ZFP90: variants seen among roughly 807,000 people sequenced by gnomAD.
The protein encoded by ZFP90 is zinc finger protein 90 homolog.
ZFP90 carries 38 observed loss-of-function variants against 60.8 expected under a neutral mutation model. That is an observed-to-expected ratio of 0.62 (90% CI 0.48 to 0.82). The LOEUF (loss-of-function observed/expected upper bound fraction) is 0.82. ZFP90 is among the 40% of genes least tolerant of loss of function. The pLI, the probability that ZFP90 is intolerant of heterozygous loss-of-function variation, is 0.00. For missense variants in ZFP90, 711 were observed against 759.1 expected (o/e 0.94, Z 0.74); for synonymous variants, 287 against 264.8 (o/e 1.08, Z -0.82).
intron 4 of ZFP90, chr16:68,562,116 AG>A (rs2091448712): frequency 6.6e-6 from 1 of 152,188 alleles, no homozygotes; most frequent in Admixed American, 6.5e-5. Flanking sequence ...CTACACTTTT[AG>A]TATGTATGTC....
upstream of ZFP90, among the ~76,000 whole-genome samples, chr16:68,536,364 G>A (rs1301553601): frequency 6.6e-6 from 1 of 152,098 alleles, no homozygotes; most frequent in Non-Finnish European, 1.5e-5. Flanking sequence ...GAGTACAGTG[G>A]CACGATCTCA....
intron 2 of ZFP90, among the ~76,000 whole-genome samples, chr16:68,554,341 C>T (rs1159961432): frequency 2.6e-5 from 4 of 151,860 alleles, no homozygotes. Context: ...AAGAGTTTGC[C>T]ACGTTGGCCA....
chr16:68,559,552 C>A (rs2091402915), intron 4 of ZFP90, among the ~76,000 whole-genome samples: 1 of 116,870 alleles, frequency 8.6e-6, no homozygotes, highest in Non-Finnish European at 1.8e-5. Flanking sequence ...AACCAGGGCC[C>A]AGATTTTTAA....
upstream of ZFP90, among the ~76,000 whole-genome samples, chr16:68,536,658 A>ATTGC (rs1309683391): frequency 1.3e-5 from 2 of 152,104 alleles, no homozygotes; most frequent in African/African-American, 4.8e-5. Context: ...GAGGGGTGGC[A>ATTGC]TTGCGTCAGT....
chr16:68,565,235 G>A lies in ZFP90; in HGVS notation c.*537G>A. ...CCAAAGATGTGAAGTGGTTTCCACAGTATGATACAGCCTATAAGGGTAAAG... is the reference window on the plus strand; with the variant it reads ...CCAAAGATGTGAAGTGGTTTCCACAATATGATACAGCCTATAAGGGTAAAG... On this transcript the variant is annotated 3_prime_UTR_variant, in exon 5 of 5. Transcript: ENST00000563169. 1 of 986,018 alleles carries A rather than the reference G, an allele frequency of 1.0e-6. No individual in the cohort carries two copies. Among genetic ancestry groups the A allele is most frequent in the Non-Finnish European group, 1.2e-6 (1 of 830,228 alleles). 61.1% of individuals were successfully genotyped at this position (986,018 alleles called of 1,614,324 possible). A position where few individuals can be genotyped will look rare whatever the true frequency, so the allele number is the denominator to read the frequency against.
Position 68,539,592 on chromosome 16 carries a change from C to CT in ZFP90, c.-36+114dup. On this transcript the variant is annotated intron_variant, in intron 1 of 4. Transcript: ENST00000563169. ...CCGGAGGGGGGTGTCCGGGAGGCCGCTGAGCCTTTCATTTCGGGGATGGGG... is the reference window on the plus strand; with the variant it reads ...CCGGAGGGGGGTGTCCGGGAGGCCGCTTGAGCCTTTCATTTCGGGGATGGGG... 3 of 587,304 alleles carry CT rather than the reference C, an allele frequency of 5.1e-6. 1 individual carries two copies. The highest frequency in any genetic ancestry group is 4.6e-4 in the Middle Eastern group (1 of 2,158). 36.4% of individuals were successfully genotyped at this position (587,304 alleles called of 1,614,324 possible). A position where few individuals can be genotyped will look rare whatever the true frequency, so the allele number is the denominator to read the frequency against.
chr16:68,556,473 A>T (rs1470794205), intron 2 of ZFP90, among the ~76,000 whole-genome samples: 1 of 152,256 alleles, frequency 6.6e-6, no homozygotes, highest in Non-Finnish European at 1.5e-5. Context: ...AGTAATGTTT[A>T]CAATAGCAGA....
intron 2 of ZFP90, among the ~76,000 whole-genome samples, chr16:68,575,390 T>C (rs1220013308): frequency 1.3e-5 from 2 of 151,802 alleles, no homozygotes; most frequent in Non-Finnish European, 2.9e-5. Flanking sequence ...AGAGAAGAAT[T>C]TTATTGAGTA....
intron 2 of ZFP90, among the ~76,000 whole-genome samples, chr16:68,541,697 T>C (rs2091053485): frequency 6.6e-6 from 1 of 152,148 alleles, no homozygotes; most frequent in African/African-American, 2.4e-5. Flanking sequence ...ACAAGACAGT[T>C]ACTTGGTTTG....
chr16:68,546,909 T>G (rs557882780), intron 2 of ZFP90, among the ~76,000 whole-genome samples: 1 of 152,384 alleles, frequency 6.6e-6, no homozygotes, highest in South Asian at 2.1e-4. Context: ...AACTTTCTTT[T>G]AAAGGCTGAA....
rs1038405432 is a variant in ZFP90 at position 68,566,999 on chromosome 16, A to C, written c.*2301A>C. 1.0e-6 allele frequency: 1 copy of C among 985,504 alleles called. No homozygotes were observed. Among genetic ancestry groups the C allele is most frequent in the African/African-American group, 1.7e-5 (1 of 57,246 alleles). The allele number at this position is 985,504 out of a possible 1,614,324, so 61.0% of individuals were successfully genotyped here. A position where few individuals can be genotyped will look rare whatever the true frequency, so the allele number is the denominator to read the frequency against. On this transcript the variant is annotated 3_prime_UTR_variant, in exon 5 of 5. Transcript: ENST00000563169. ...GGAGCCCAGGACATATGTGTGGCTC[A>C]TTGACCAGAAGGCTTTCTTAGTCCC...
chr16:68,543,048 A>C (rs1360846839), intron 2 of ZFP90, among the ~76,000 whole-genome samples: 2 of 152,178 alleles, frequency 1.3e-5, no homozygotes, highest in African/African-American at 4.8e-5. Flanking sequence ...GGAGGTTTGT[A>C]GTCGGGGTGC....
chr16:68,569,730 G>A (rs2091557185), downstream of ZFP90, among the ~76,000 whole-genome samples: 1 of 151,446 alleles, frequency 6.6e-6, no homozygotes, highest in South Asian at 2.1e-4. Flanking sequence ...GCAAAACTCT[G>A]TTTCTACCAA....
At chr16:68,574,584 T>G (rs762851708) in intron 2 of ZFP90, among the ~76,000 whole-genome samples, 1 of 152,038 alleles carries the variant, frequency 6.6e-6, no homozygotes, top group Non-Finnish European at 1.5e-5. Context: ...CAATTCCTGA[T>G]CCTAGCACTC....
intron 2 of ZFP90, among the ~76,000 whole-genome samples, chr16:68,575,393 A>G (rs894816973): frequency 3.3e-5 from 5 of 152,130 alleles, no homozygotes; most frequent in Admixed American, 3.3e-4. Context: ...GAAGAATTTT[A>G]TTGAGTAACA....
chr16:68,534,422 G>A (rs537886215), upstream of ZFP90, among the ~76,000 whole-genome samples: 29 of 150,236 alleles, frequency 1.9e-4, no homozygotes, highest in Admixed American at 1.7e-3. Flanking sequence ...TAGAGACGGG[G>A]TTTCACTGTG....
chr16:68,564,274 C>G lies in ZFP90; in HGVS notation c.1487C>G (p.Pro496Arg). ...QQAISHPGEK[P>R]YQCNVCGKAF... ...GCTATTTCTCATCCTGGAGAGAAAC[C>G]CTATCAATGTAATGTATGTGGGAAA... Residue 496 changes from proline (P) to arginine (R), a missense_variant, in exon 5 of 5, where the codon CCC becomes CGC. Pro to Arg is a moderately radical substitution (Grantham distance 103). Coordinates refer to ENST00000563169, the MANE Select transcript of ZFP90 (RefSeq NM_001305203.2). 6.2e-7 allele frequency: 1 copy of G among 1,614,022 alleles called. No individual in the cohort carries two copies.
intron 4 of ZFP90, 117 bp from the exon 5 acceptor site, chr16:68,562,927 C>T: frequency 1.9e-6 from 3 of 1,549,648 alleles, no homozygotes; most frequent in Non-Finnish European, 2.6e-6. Flanking sequence ...TCTCAGGATA[C>T]AGGAGTAATT....
At position 68,566,776 on chromosome 16, in the gene ZFP90, G is replaced by A. The variant is rs2091534604; in HGVS notation, c.*2078G>A. The stretch of plus-strand genomic sequence containing the variant: ...CCTGTCAGGAACTCATTATGCTACT[G>A]GTTGTTTGGGGATCCCCATAGTGGA... On this transcript the variant is annotated 3_prime_UTR_variant, in exon 5 of 5. Transcript: ENST00000563169. The A allele has an allele frequency of 1.0e-6, 1 of 985,438 alleles. No individual in the cohort carries two copies. Among genetic ancestry groups the A allele is most frequent in the African/African-American group, 1.7e-5 (1 of 57,232 alleles). The allele number at this position is 985,438 out of a possible 1,614,324, so 61.0% of individuals were successfully genotyped here.
Sources: gnomAD v4.1 joint callset for allele counts (sites outside exome capture counted in the v4.1 genomes callset) on GRCh38, gnomAD v4.1.1 for gene constraint, MANE v1.5 for transcripts, NCBI Gene and HGNC (gene_info 2026-07-23, HGNC 2026-07-21) for gene names.